Variants in PTPRD observed in about 807,000 individuals in gnomAD.
The protein encoded by PTPRD is receptor-type tyrosine-protein phosphatase delta.
PTPRD carries 34 observed loss-of-function variants against 214.5 expected under a neutral mutation model. The ratio of observed to expected loss-of-function variants is 0.16; its 90% CI spans 0.12 to 0.21. The LOEUF (loss-of-function observed/expected upper bound fraction) is 0.21, where lower values mean the gene tolerates loss of function less well. PTPRD is among the 10% of genes least tolerant of loss of function. PTPRD has a pLI of 1.00. For synonymous variants in PTPRD, 1,128 were observed against 845.7 expected (o/e 1.33, Z -5.79); for missense variants, 2,545 against 2,398.7 (o/e 1.06, Z -1.27).
At chr9:10,583,508 G>T (rs2132512345) in intron 2 of PTPRD, among the ~76,000 whole-genome samples, 1 of 150,924 alleles carries the variant, frequency 6.6e-6, no homozygotes. Flanking sequence ...CTGGACTGCC[G>T]TGGCGCGATC....
intron 11 of PTPRD, among the ~76,000 whole-genome samples, chr9:8,756,185 T>C (rs1030532470): frequency 2.6e-5 from 4 of 152,166 alleles, no homozygotes; most frequent in African/African-American, 4.8e-5. Flanking sequence ...CAGCACTGAC[T>C]TTCTTATATG....
At chr9:8,977,828 G>A (rs928480050) in intron 11 of PTPRD, among the ~76,000 whole-genome samples, 6 of 152,020 alleles carry the variant, frequency 3.9e-5, no homozygotes, top group Admixed American at 3.3e-4. Flanking sequence ...AGATATTTAG[G>A]GCTGGGAAAG....
chr9:9,695,120 T>A (rs998727910), intron 7 of PTPRD, among the ~76,000 whole-genome samples: 1 of 152,148 alleles, frequency 6.6e-6, no homozygotes, highest in Admixed American at 6.5e-5. Context: ...TGGCATACTC[T>A]CTGGGTATCG....
At chr9:9,392,675 C>T (rs990568450) in intron 9 of PTPRD, among the ~76,000 whole-genome samples, 3 of 152,256 alleles carry the variant, frequency 2.0e-5, no homozygotes, top group East Asian at 1.9e-4. Flanking sequence ...TTGAACCTTG[C>T]TTTTACGTAA....
At chr9:9,592,374 T>C (rs927145879) in intron 7 of PTPRD, among the ~76,000 whole-genome samples, 2 of 152,060 alleles carry the variant, frequency 1.3e-5, no homozygotes, top group Non-Finnish European at 2.9e-5. Flanking sequence ...GAACACACTG[T>C]CGTTGTGTTT....
At chr9:9,226,553 A>C (rs2099959603) in intron 9 of PTPRD, among the ~76,000 whole-genome samples, 1 of 151,946 alleles carries the variant, frequency 6.6e-6, no homozygotes, top group African/African-American at 2.4e-5. Flanking sequence ...ATGGAGGTTA[A>C]AAATATAAAA....
chr9:9,558,741 C>T (rs1243527122), intron 8 of PTPRD, among the ~76,000 whole-genome samples: 1 of 152,170 alleles, frequency 6.6e-6, no homozygotes, highest in Non-Finnish European at 1.5e-5. Flanking sequence ...CATATGTTAT[C>T]AGTACTAGGC....
chr9:8,641,191 G>A (rs188406239), intron 12 of PTPRD, among the ~76,000 whole-genome samples: 1 of 148,514 alleles, frequency 6.7e-6, no homozygotes, highest in East Asian at 1.9e-4. Flanking sequence ...TTCAAGTAAA[G>A]CATAAAACAA....
intron 2 of PTPRD, among the ~76,000 whole-genome samples, chr9:10,426,674 G>A (rs1280405433): frequency 6.6e-6 from 1 of 151,966 alleles, no homozygotes; most frequent in Admixed American, 6.6e-5. Flanking sequence ...CCAAAGTAAG[G>A]GCCAACTTCT....
chr9:9,589,202 T>C (rs2154323693), intron 7 of PTPRD, among the ~76,000 whole-genome samples: 1 of 152,052 alleles, frequency 6.6e-6, no homozygotes, highest in East Asian at 1.9e-4. Context: ...GTGTGTATTT[T>C]TAAATATTTG....
chr9:9,545,476 T>C (rs1455863911), intron 8 of PTPRD, among the ~76,000 whole-genome samples: 1 of 151,900 alleles, frequency 6.6e-6, no homozygotes, highest in Non-Finnish European at 1.5e-5. Flanking sequence ...TAAAATTCTA[T>C]TGTTTAGATG....
At chr9:9,154,122 CT>C (rs1412629683) in intron 10 of PTPRD, among the ~76,000 whole-genome samples, 1 of 152,072 alleles carries the variant, frequency 6.6e-6, no homozygotes, top group Non-Finnish European at 1.5e-5. Flanking sequence ...ATGTATGATC[CT>C]GGGAGCTGCA....
At chr9:10,126,674 C>T (rs958351763) in intron 3 of PTPRD, among the ~76,000 whole-genome samples, 3 of 152,034 alleles carry the variant, frequency 2.0e-5, no homozygotes, top group African/African-American at 7.2e-5. Context: ...TTTTTTATAA[C>T]ATGTTCAGGA....
intron 11 of PTPRD, among the ~76,000 whole-genome samples, chr9:8,739,256 G>C (rs1180072614): frequency 6.6e-6 from 1 of 152,100 alleles, no homozygotes; most frequent in Non-Finnish European, 1.5e-5. Context: ...AAAGAGAAGA[G>C]AACCCAAAAG....
At chr9:10,134,604 C>G (rs1248103738) in intron 3 of PTPRD, among the ~76,000 whole-genome samples, 2 of 152,018 alleles carry the variant, frequency 1.3e-5, no homozygotes, top group Non-Finnish European at 2.9e-5. Flanking sequence ...AAATATATAT[C>G]CCGTACAGAT....
chr9:10,543,479 T>TACACACACAC (rs567757732), intron 2 of PTPRD, among the ~76,000 whole-genome samples: 223 of 145,186 alleles, frequency 1.5e-3, no homozygotes, highest in African/African-American at 5.3e-3. Context: ...TATATATATA[T>TACACACACAC]ACACACACAC....
At chr9:10,103,363 T>G (rs1464974114) in intron 3 of PTPRD, among the ~76,000 whole-genome samples, 1 of 98,422 alleles carries the variant, frequency 1.0e-5, no homozygotes, top group African/African-American at 4.2e-5. Flanking sequence ...AGTTATGACA[T>G]TTTAAACTGC....
intron 11 of PTPRD, among the ~76,000 whole-genome samples, chr9:8,818,203 AC>A (rs753348818): frequency 0.14 from 20,802 of 152,130 alleles, 1,625 homozygotes; most frequent in East Asian, 0.25. Flanking sequence ...ACTTTAATTG[AC>A]TTTAAACATA....
chr9:9,248,524 G>T (rs1350975665), intron 9 of PTPRD, among the ~76,000 whole-genome samples: 1 of 152,092 alleles, frequency 6.6e-6, no homozygotes, highest in Non-Finnish European at 1.5e-5. Context: ...GGTGGAGACA[G>T]ATATGAATTA....
Sources: gnomAD v4.1 joint callset for allele counts (sites outside exome capture counted in the v4.1 genomes callset) on GRCh38, gnomAD v4.1.1 for gene constraint, MANE v1.5 for transcripts, NCBI Gene and HGNC (gene_info 2026-07-23, HGNC 2026-07-21) for gene names.